Variants in SPON1 observed in about 807,000 individuals in gnomAD.
SPON1 encodes spondin-1.
Under a neutral mutation model 111.7 loss-of-function variants are expected in SPON1, and 52 were observed. That is an observed-to-expected ratio of 0.47 (90% CI 0.37 to 0.59). SPON1 has a LOEUF of 0.59. SPON1 is among the 20% of genes least tolerant of loss of function. The pLI is 0.00. For synonymous variants in SPON1, 410 were observed against 395.8 expected, an observed-to-expected ratio of 1.04 and a Z score of -0.43; for missense variants, 957 against 1,068.5, an observed-to-expected ratio of 0.90 and a Z score of 1.46.
intron 2 of SPON1, among the ~76,000 whole-genome samples, chr11:13,987,461 CA>C (rs1385415269): frequency 6.6e-6 from 1 of 152,066 alleles, no homozygotes; most frequent in Non-Finnish European, 1.5e-5. Context: ...AGCCCTTTGT[CA>C]GATGGATAGA....
chr11:14,029,601 G>GC (rs1384318330), intron 2 of SPON1, among the ~76,000 whole-genome samples: 2 of 152,134 alleles, frequency 1.3e-5, no homozygotes, highest in Non-Finnish European at 2.9e-5. Context: ...TCACCACATA[G>GC]CAACGGGAGA....
intron 3 of SPON1, among the ~76,000 whole-genome samples, chr11:14,062,794 A>G (rs1308470834): frequency 7.9e-5 from 12 of 152,188 alleles, no homozygotes; most frequent in African/African-American, 2.9e-4. Context: ...AGCTAGGGAA[A>G]TGTACATCTT....
chr11:14,215,011 A>T (rs1283212067), intron 6 of SPON1, among the ~76,000 whole-genome samples: 1 of 152,182 alleles, frequency 6.6e-6, no homozygotes, highest in African/African-American at 2.4e-5. Flanking sequence ...TCAGGGACTA[A>T]GACATTTCCA....
chr11:14,251,147 A>G (rs1308074282), intron 7 of SPON1, among the ~76,000 whole-genome samples: 1 of 152,208 alleles, frequency 6.6e-6, no homozygotes, highest in Non-Finnish European at 1.5e-5. Context: ...CCTCCAGGAA[A>G]TGTTACATAA....
chr11:14,160,464 TA>T, intron 6 of SPON1, among the ~76,000 whole-genome samples: 1 of 24,838 alleles, frequency 4.0e-5, no homozygotes, highest in African/African-American at 1.8e-4. Context: ...TTTATATATA[TA>T]TATTTATATA....
intron 6 of SPON1, among the ~76,000 whole-genome samples, chr11:14,227,866 T>G (rs782046019): frequency 2.6e-5 from 4 of 152,218 alleles, no homozygotes; most frequent in Admixed American, 2.0e-4. Flanking sequence ...ACCTGCGTAA[T>G]GTATAGATCT....
intron 6 of SPON1, among the ~76,000 whole-genome samples, chr11:14,212,117 T>A (rs544006033): frequency 7.0e-6 from 1 of 143,300 alleles, no homozygotes; most frequent in South Asian, 2.4e-4. Context: ...AGTCTTTTAT[T>A]GATTTTTTTT....
chr11:14,109,838 G>T (rs527906534), intron 5 of SPON1, among the ~76,000 whole-genome samples: 1 of 152,220 alleles, frequency 6.6e-6, no homozygotes, highest in East Asian at 1.9e-4. Flanking sequence ...GAGAATAAAG[G>T]AGGAAAACTT....
chr11:13,972,214 G>A (rs533848469), intron 1 of SPON1, among the ~76,000 whole-genome samples: 1 of 152,290 alleles, frequency 6.6e-6, no homozygotes, highest in East Asian at 1.9e-4. Flanking sequence ...CATTGTGGTT[G>A]TGTGAAGCTT....
chr11:13,978,512 C>G (rs550611402), intron 1 of SPON1, among the ~76,000 whole-genome samples: 3 of 152,276 alleles, frequency 2.0e-5, no homozygotes, highest in East Asian at 1.9e-4. Context: ...TAATTCGATA[C>G]TCTTATCACT....
chr11:14,240,528 G>C (rs1381762154), intron 6 of SPON1, among the ~76,000 whole-genome samples: 1 of 151,124 alleles, frequency 6.6e-6, no homozygotes, highest in East Asian at 1.9e-4. Flanking sequence ...GGTAATGTAG[G>C]TTCCAAACTA....
intron 6 of SPON1, among the ~76,000 whole-genome samples, chr11:14,233,848 T>C (rs1439106208): frequency 2.0e-5 from 3 of 148,402 alleles, no homozygotes; most frequent in African/African-American, 7.5e-5. Context: ...CTGCGACCTC[T>C]GCCTCCTGAG....
chr11:14,061,164 A>T (rs782287030), intron 3 of SPON1, among the ~76,000 whole-genome samples: 1 of 152,208 alleles, frequency 6.6e-6, no homozygotes, highest in Non-Finnish European at 1.5e-5. Context: ...ATTCACCTAC[A>T]CACAAAACAG....
At chr11:13,990,639 G>A (rs898038180) in intron 2 of SPON1, among the ~76,000 whole-genome samples, 71 of 151,712 alleles carry the variant, frequency 4.7e-4, no homozygotes, top group African/African-American at 1.5e-3. Flanking sequence ...TGTTTTTCCC[G>A]TTAGTTGATG....
At chr11:14,073,685 T>G (rs1848894986) in intron 3 of SPON1, among the ~76,000 whole-genome samples, 1 of 152,236 alleles carries the variant, frequency 6.6e-6, no homozygotes, top group South Asian at 2.1e-4. Context: ...TTGTAAACTT[T>G]AATCAAGGTT....
At chr11:14,175,496 G>A (rs1848165007) in intron 6 of SPON1, among the ~76,000 whole-genome samples, 1 of 152,114 alleles carries the variant, frequency 6.6e-6, no homozygotes, top group Non-Finnish European at 1.5e-5. Flanking sequence ...GCTATCCTGT[G>A]ATACCCCTGT....
At chr11:14,090,738 G>C (rs1485187160) in intron 5 of SPON1, among the ~76,000 whole-genome samples, 3 of 148,586 alleles carry the variant, frequency 2.0e-5, no homozygotes, top group African/African-American at 7.5e-5. Context: ...TTATTGCAAA[G>C]AGCAAAAGAA....
chr11:13,984,037 C>T (rs191198600), intron 2 of SPON1, among the ~76,000 whole-genome samples: 6 of 152,194 alleles, frequency 3.9e-5, no homozygotes, highest in East Asian at 1.9e-4. Flanking sequence ...CCACGCTCAC[C>T]GTAATGTCCT....
chr11:14,247,311 G>A (rs1554940323), intron 7 of SPON1, among the ~76,000 whole-genome samples: 1 of 152,212 alleles, frequency 6.6e-6, no homozygotes. Flanking sequence ...CTGGGAGGCT[G>A]AGGCAGGAGG....
Sources: allele counts gnomAD v4.1 joint callset (sites outside exome capture counted in the v4.1 genomes callset), GRCh38; gene constraint gnomAD v4.1.1; transcripts MANE v1.5; gene names NCBI Gene and HGNC (gene_info 2026-07-23, HGNC 2026-07-21).